The following MAF variants were observed in gnomAD, a reference collection of about 807,000 sequenced individuals.
The protein encoded by MAF is transcription factor Maf.
In MAF, 10 loss-of-function variants were observed where a neutral mutation model predicts 22.0. That is an observed-to-expected ratio of 0.45 (90% CI 0.28 to 0.77). The LOEUF is 0.77. Ranked by LOEUF, MAF falls within the 30% of genes least tolerant of loss-of-function variation. MAF has a pLI of 0.12. For synonymous variants in MAF, 337 were observed against 255.8 expected, an observed-to-expected ratio of 1.32 and a Z score of -3.03; for missense variants, 544 against 548.4, an observed-to-expected ratio of 0.99 and a Z score of 0.08.
At chr16:79,425,089 C>A in the MAF span, among the ~76,000 whole-genome samples, 1 of 152,060 alleles carries the variant, frequency 6.6e-6, no homozygotes, top group South Asian at 2.1e-4. Context: ...TCCCCATATA[C>A]CCAAAGATGA....
chr16:79,476,855 A>C, the MAF span, among the ~76,000 whole-genome samples: 2 of 152,116 alleles, frequency 1.3e-5, no homozygotes, highest in Middle Eastern at 3.2e-3. Context: ...CATCACTGAC[A>C]TTTTTTAAAA....
the MAF span, among the ~76,000 whole-genome samples, chr16:79,522,366 G>C: frequency 6.6e-6 from 1 of 152,166 alleles, no homozygotes; most frequent in South Asian, 2.1e-4. Flanking sequence ...GCCTGCAAAT[G>C]GTGGCCTGTA....
chr16:79,521,067 C>G, the MAF span, among the ~76,000 whole-genome samples: 5 of 152,126 alleles, frequency 3.3e-5, no homozygotes, highest in African/African-American at 1.2e-4. Flanking sequence ...ATCATACATT[C>G]CTGGAGAATT....
intron 1 of MAF, among the ~76,000 whole-genome samples, chr16:79,588,242 A>G (rs1373457476): frequency 6.6e-6 from 1 of 152,162 alleles, no homozygotes; most frequent in East Asian, 1.9e-4. Context: ...ATGTGTCTCC[A>G]CACTGCTCCG....
the MAF span, among the ~76,000 whole-genome samples, chr16:79,546,412 G>C: frequency 6.6e-6 from 1 of 152,068 alleles, no homozygotes; most frequent in South Asian, 2.1e-4. Flanking sequence ...GAGTGACTTG[G>C]GCTGGGAGAA....
the MAF span, among the ~76,000 whole-genome samples, chr16:79,392,325 G>A: frequency 6.7e-6 from 1 of 149,392 alleles, no homozygotes; most frequent in African/African-American, 2.5e-5. Flanking sequence ...GAGGGAGGAG[G>A]AGGGGAGAGG....
chr16:79,599,192 C>CCCGCCGCCT lies in MAF; in HGVS notation c.702_710dup (p.Gly236_Gly238dup), dbSNP rs1237383190. ...GGGCGCCCCCCGCCCCCGCCGCGCCCCCGCCGCCTCCGCCGCCGCCGCCGC... is the reference window on the plus strand; with the variant it reads ...GGGCGCCCCCCGCCCCCGCCGCGCCCCCGCCGCCTCCGCCGCCTCCGCCGCCGCCGCCGC... On this transcript the variant is annotated inframe_insertion, in exon 1 of 2. Coordinates refer to ENST00000326043, the MANE Select transcript of MAF (RefSeq NM_005360.5). The CCCGCCGCCT allele has an allele frequency of 3.9e-6, 4 of 1,026,596 alleles. No homozygotes were observed. Among genetic ancestry groups the CCCGCCGCCT allele is most frequent in the South Asian group, 4.4e-5 (1 of 22,474 alleles). The allele number at this position is 1,026,596 out of a possible 1,614,324, so 63.6% of individuals were successfully genotyped here.
At chr16:79,410,705 G>A in the MAF span, among the ~76,000 whole-genome samples, 1 of 152,180 alleles carries the variant, frequency 6.6e-6, no homozygotes, top group Non-Finnish European at 1.5e-5. Context: ...GCATGGAGGA[G>A]GCAGCATTTG....
At chr16:79,212,288 A>G in the MAF span, 13 of 1,120,004 alleles carry the variant, frequency 1.2e-5, no homozygotes, top group Middle Eastern at 3.0e-4. Context: ...AGACTGAGCC[A>G]GCTTAGCAAC....
chr16:79,277,755 A>C, the MAF span, among the ~76,000 whole-genome samples: 95,831 of 152,016 alleles, frequency 0.63, 32,600 homozygotes, highest in Non-Finnish European at 0.75. Context: ...AATTTGAGAC[A>C]ACTTTTCTGT....
chr16:79,447,208 A>G, the MAF span, among the ~76,000 whole-genome samples: 9,310 of 152,172 alleles, frequency 0.061, 438 homozygotes, highest in African/African-American at 0.13. Context: ...AGGTTCCTTA[A>G]GAATGATGCT....
chr16:79,308,263 G>A, the MAF span, among the ~76,000 whole-genome samples: 2 of 152,114 alleles, frequency 1.3e-5, no homozygotes, highest in African/African-American at 4.8e-5. Flanking sequence ...CATGCTTCAG[G>A]GACTTTGGTC....
At chr16:79,501,580 T>C in the MAF span, among the ~76,000 whole-genome samples, 1 of 152,212 alleles carries the variant, frequency 6.6e-6, no homozygotes, top group South Asian at 2.1e-4. Context: ...GGTAAATTCT[T>C]ACTACACAAA....
At chr16:79,325,785 A>G in the MAF span, among the ~76,000 whole-genome samples, 1 of 152,240 alleles carries the variant, frequency 6.6e-6, no homozygotes, top group Non-Finnish European at 1.5e-5. Context: ...TTATTCATCA[A>G]AGGAATGAGC....
the MAF span, among the ~76,000 whole-genome samples, chr16:79,520,672 T>C: frequency 6.6e-6 from 1 of 152,190 alleles, no homozygotes; most frequent in Non-Finnish European, 1.5e-5. Flanking sequence ...GCACTGGCTT[T>C]GGGGCAAATC....
At chr16:79,217,913 G>C in the MAF span, among the ~76,000 whole-genome samples, 2 of 136,008 alleles carry the variant, frequency 1.5e-5, no homozygotes, top group East Asian at 4.8e-4. Context: ...GTCAACACTA[G>C]GCCAGAAAGA....
At position 79,599,787 on chromosome 16, in the gene MAF, G is replaced by C. The variant is rs1358640209; in HGVS notation, c.116C>G (p.Thr39Ser). 1.9e-6 allele frequency: 3 copies of C among 1,612,992 alleles called. No homozygotes were observed. The highest frequency in any genetic ancestry group is 2.5e-6 in the Non-Finnish European group (3 of 1,179,952). ...GCCGCACTGGCTGATGATGCGGTCG[G>C]TCTCCACCGGTTCCTTTTTCACTTC... ...KFEVKKEPVETDRIISQCGRL... is the reference protein window; with the variant it reads ...KFEVKKEPVESDRIISQCGRL... The change falls in exon 1 of 2, where the codon ACC becomes AGC. Residue 39 changes from threonine to serine, a missense_variant. Coordinates refer to ENST00000326043, the MANE Select transcript of MAF (RefSeq NM_005360.5).
chr16:79,598,751 A>T lies in MAF; in HGVS notation c.1118+34T>A, dbSNP rs1913756587. ...GCCGGACCCCCGCGGAGCACTTATCAGGGTGGCTAGCTGGAATCGCGTGTC... is the reference window on the plus strand; with the variant it reads ...GCCGGACCCCCGCGGAGCACTTATCTGGGTGGCTAGCTGGAATCGCGTGTC... On this transcript the variant is annotated intron_variant, in intron 1 of 1. Transcript: ENST00000326043. 1.9e-6 allele frequency: 3 copies of T among 1,613,506 alleles called. No homozygotes were observed. In the East Asian group the frequency reaches 6.7e-5, roughly 36 times the overall value.
chr16:79,336,116 A>G, the MAF span, among the ~76,000 whole-genome samples: 1 of 152,220 alleles, frequency 6.6e-6, no homozygotes, highest in African/African-American at 2.4e-5. Flanking sequence ...CCAGCTCTCC[A>G]AGGTCATGAG....
Sources: gnomAD v4.1 joint callset for allele counts (sites outside exome capture counted in the v4.1 genomes callset) on GRCh38, gnomAD v4.1.1 for gene constraint, MANE v1.5 for transcripts, NCBI Gene and HGNC (gene_info 2026-07-23, HGNC 2026-07-21) for gene names.